Variants in NXN observed in about 807,000 individuals in gnomAD.
NXN encodes nucleoredoxin.
In NXN, 16 loss-of-function variants were observed where a neutral mutation model predicts 48.6. The ratio of observed to expected loss-of-function variants is 0.33; its 90% CI spans 0.22 to 0.50. NXN has a LOEUF of 0.50. Among genes scored for constraint, NXN ranks in the 20% least tolerant of loss-of-function variants. The probability of loss-of-function intolerance (pLI) is 0.98; values close to 1 mark genes in which losing one functional copy is unlikely to be tolerated. For missense variants in NXN, 492 were observed against 605.5 expected (o/e 0.81, Z 1.97); for synonymous variants, 281 against 269.6 (o/e 1.04, Z -0.41).
In NXN at chr17:883,220, TCAGA is replaced by T. The variant is rs373326891; in HGVS notation, c.361-57146_361-57143del. On this transcript the variant is annotated intron_variant, in intron 1 of 7. Coordinates refer to ENST00000336868, the MANE Select transcript of NXN (RefSeq NM_022463.5). ...TGCCCATTCCTTCTCTCTCCACAAC[TCAGA>T]CAGCGACGGTGTCAATCAGGCCAGT... is the stretch of plus-strand genomic sequence containing the variant. Among the ~76,000 whole-genome samples the T allele has an allele frequency of 2.2e-3, 331 of 152,146 alleles. 3 individuals carry two copies. The highest frequency in any genetic ancestry group is 0.018 in the East Asian group (92 of 5,176).
intron 1 of NXN, among the ~76,000 whole-genome samples, chr17:841,430 ACGGGCGAGCAGGTCCC>A (rs1567827433): frequency 5.7e-5 from 6 of 104,594 alleles, no homozygotes; most frequent in African/African-American, 1.8e-4. Flanking sequence ...CGCATCTCAC[ACGGGCGAGCAGGTCCC>A]CCTGACCACG....
At chr17:842,054 T>G (rs1045187866) in intron 1 of NXN, among the ~76,000 whole-genome samples, 1 of 152,082 alleles carries the variant, frequency 6.6e-6, no homozygotes, top group Non-Finnish European at 1.5e-5. Flanking sequence ...GAGAATCGCT[T>G]GAACCTGGGA....
chr17:953,468 C>T (rs1597272137), intron 1 of NXN, among the ~76,000 whole-genome samples: 1 of 152,126 alleles, frequency 6.6e-6, no homozygotes, highest in Admixed American at 6.5e-5. Flanking sequence ...CGAGGCACCT[C>T]GGATGCCCCA....
In NXN at chr17:919,224, G is replaced by A. The variant is rs1332896235; in HGVS notation, c.360+60095C>T. Among the ~76,000 whole-genome samples the A allele has an allele frequency of 4.6e-5, 7 of 152,070 alleles. No individual in the cohort carries two copies. Among genetic ancestry groups the A allele is most frequent in the South Asian group, 2.1e-4 (1 of 4,802 alleles). ...CTACAAATACAAAAATCAGCCGGGC[G>A]TCATGGCGGGCACCTGTAGTCCCAG... On this transcript the variant is annotated intron_variant, in intron 1 of 7. Coordinates refer to ENST00000336868, the MANE Select transcript of NXN (RefSeq NM_022463.5). This position sits in a 1 kb window ranked among gnomAD's most constrained non-coding sequence, Gnocchi z 5.1.
In NXN at chr17:979,347, G is replaced by A. The variant is rs2069508465; in HGVS notation, c.332C>T (p.Ala111Val). 5 of 1,539,060 alleles carry A rather than the reference G, an allele frequency of 3.2e-6. No homozygotes were observed. The highest frequency in any genetic ancestry group is 1.4e-5 in the African/African-American group (1 of 69,290). ...QDFVRDMPWL[A>V]LPYKEKHRKL... ...CCTGTGCTTCTCCTTGTAGGGCAGCGCCAGCCACGGCATGTCCCGCACGAA... is the reference window on the plus strand; with the variant it reads ...CCTGTGCTTCTCCTTGTAGGGCAGCACCAGCCACGGCATGTCCCGCACGAA... The change falls in exon 1 of 8, where the codon GCG becomes GTG. Residue 111 changes from alanine to valine, a missense_variant. Transcript: ENST00000336868.
At chr17:893,007 T>C (rs1241228873) in intron 1 of NXN, among the ~76,000 whole-genome samples, 1 of 152,276 alleles carries the variant, frequency 6.6e-6, no homozygotes, top group Non-Finnish European at 1.5e-5. Context: ...CTGTACTTTC[T>C]GCTCAGTTTT....
At chr17:868,744 G>A (rs1442150167) in intron 1 of NXN, among the ~76,000 whole-genome samples, 2 of 152,070 alleles carry the variant, frequency 1.3e-5, no homozygotes, top group East Asian at 1.9e-4. Context: ...CGCCCGCCTC[G>A]GCCTCCCAAA....
At chr17:805,038 C>G (rs991707731) in intron 6 of NXN, 30 bp downstream of exon 6, 10 of 1,543,750 alleles carry the variant, frequency 6.5e-6, no homozygotes, top group Non-Finnish European at 8.7e-6. Flanking sequence ...CCCAGCCACC[C>G]CTCGCCCCCT....
chr17:806,980 C>T (rs752578034), intron 5 of NXN, among the ~76,000 whole-genome samples: 10 of 152,172 alleles, frequency 6.6e-5, no homozygotes, highest in Admixed American at 2.6e-4. Context: ...GGCCGGCTCT[C>T]ACTGGGGATT....
chr17:843,064 AAAGC>A (rs200717420), intron 1 of NXN, among the ~76,000 whole-genome samples: 2,223 of 136,460 alleles, frequency 0.016, 39 homozygotes, highest in African/African-American at 0.03. Context: ...AAGAAGGAAG[AAAGC>A]AAGCAAGCAA....
intron 1 of NXN, among the ~76,000 whole-genome samples, chr17:924,715 CTCCGTTCCGT>C (rs56853234): frequency 4.1e-4 from 62 of 151,996 alleles, no homozygotes; most frequent in Admixed American, 1.0e-3. Context: ...TAAAGACTAA[CTCCGTTCCGT>C]TCCGTTCCGT....
intron 1 of NXN, among the ~76,000 whole-genome samples, chr17:970,059 T>C (rs1295481429): frequency 1.3e-5 from 2 of 152,222 alleles, no homozygotes; most frequent in Non-Finnish European, 2.9e-5. Flanking sequence ...GACTTTCTGA[T>C]GTAGTTCATA....
chr17:864,251 G>C, intron 1 of NXN: 1 of 1,167,266 alleles, frequency 8.6e-7, no homozygotes, highest in Non-Finnish European at 1.2e-6. Context: ...CTGTAGGTCT[G>C]AAATTTCCCA....
intron 1 of NXN, among the ~76,000 whole-genome samples, chr17:922,814 GCTAA>G (rs10533117): frequency 0.13 from 19,275 of 151,852 alleles, 1,534 homozygotes; most frequent in Admixed American, 0.18. Context: ...ACCACACCCG[GCTAA>G]CTTTTTGTAT....
At chr17:895,579 G>A (rs549892091) in intron 1 of NXN, among the ~76,000 whole-genome samples, 28 of 151,250 alleles carry the variant, frequency 1.9e-4, no homozygotes, top group Admixed American at 1.3e-3. Flanking sequence ...TTGGGAGGTC[G>A]AGGTGGGCGG....
rs1597243215 is a variant in NXN at position 920,507 on chromosome 17, C to G, written c.360+58812G>C. ...GCTCCCTCCCCAAGTGACCAGCCCT[C>G]ACCAGCTCACTCCAGCTCTGCAGCG... On this transcript the variant is annotated intron_variant, in intron 1 of 7. Transcript: ENST00000336868. This position sits in a 1 kb window ranked among gnomAD's most constrained non-coding sequence, Gnocchi z 4.6. Among the ~76,000 whole-genome samples, 1 of 152,060 alleles carries G rather than the reference C, an allele frequency of 6.6e-6. No individual in the cohort carries two copies. The highest frequency in any genetic ancestry group is 2.4e-5 in the African/African-American group (1 of 41,418).
At chr17:900,559 G>A (rs932772198) in intron 1 of NXN, among the ~76,000 whole-genome samples, 4 of 152,204 alleles carry the variant, frequency 2.6e-5, no homozygotes, top group Non-Finnish European at 4.4e-5. Flanking sequence ...GATCCTCCCA[G>A]GGTGGGAAGG....
At chr17:916,704 C>T (rs111726501) in intron 1 of NXN, among the ~76,000 whole-genome samples, 1 of 152,032 alleles carries the variant, frequency 6.6e-6, no homozygotes, top group Non-Finnish European at 1.5e-5. Context: ...TTTTGGAGGC[C>T]GAGGCAGGTG....
At chr17:863,535 A>G (rs1349029308) in intron 1 of NXN, among the ~76,000 whole-genome samples, 1 of 151,348 alleles carries the variant, frequency 6.6e-6, no homozygotes, top group Admixed American at 6.6e-5. Flanking sequence ...ATCACATCTC[A>G]CTGCCGCCTC....
Sources: allele counts gnomAD v4.1 joint callset (sites outside exome capture counted in the v4.1 genomes callset), GRCh38; gene constraint gnomAD v4.1.1; non-coding constraint Gnocchi (gnomAD v3.1); transcripts MANE v1.5; gene names NCBI Gene and HGNC (gene_info 2026-07-23, HGNC 2026-07-21).